SFI1: variants seen among roughly 807,000 people sequenced by gnomAD.
SFI1 encodes protein SFI1 homolog.
Under a neutral mutation model 207.5 loss-of-function variants are expected in SFI1, and 195 were observed. The observed-to-expected ratio is 0.94, with a 90% CI of 0.84 to 1.06. The LOEUF is 1.06. Among genes scored for constraint, SFI1 ranks in the 50% least tolerant of loss-of-function variants. The probability of loss-of-function intolerance (pLI) is 0.00; values close to 1 mark genes in which losing one functional copy is unlikely to be tolerated. For missense variants in SFI1, 1,634 were observed against 1,588.0 expected (o/e 1.03, Z -0.49); for synonymous variants, 630 against 598.9 (o/e 1.05, Z -0.76).
At position 31,561,375 on chromosome 22, in the gene SFI1, C is replaced by G. The variant is rs368196489; in HGVS notation, c.748C>G (p.Leu250Val). 5.0e-6 allele frequency: 8 copies of G among 1,613,694 alleles called. No individual in the cohort carries two copies. The highest frequency in any genetic ancestry group is 6.8e-6 in the Non-Finnish European group (8 of 1,179,916). Residue 250 changes from leucine to valine, a missense_variant, in exon 8 of 33, where the codon CTG (leucine) becomes GTG (valine). Transcript: ENST00000400288. ...TGCCTCTGCTTTGAAGCACAGGGCC[C>G]TGAGCCTCCAGGTGCAGGTGAGTCC... ...LHASALKHRALSLQVQAWSQW... is the reference protein window; with the variant it reads ...LHASALKHRAVSLQVQAWSQW...
chr22:31,560,375 C>T (rs557793700), intron 7 of SFI1, among the ~76,000 whole-genome samples: 40 of 150,054 alleles, frequency 2.7e-4, no homozygotes, highest in African/African-American at 8.8e-4. Flanking sequence ...GTGAAATCTC[C>T]TGATTTTCAA....
At chr22:31,550,686 C>G in intron 6 of SFI1, 1 of 256,144 alleles carries the variant, frequency 3.9e-6, no homozygotes, top group Middle Eastern at 1.4e-3. Flanking sequence ...TCAAGTTGCC[C>G]AGAGACTCTG....
intron 2 of SFI1, among the ~76,000 whole-genome samples, chr22:31,510,472 C>T (rs989123332): frequency 2.0e-5 from 3 of 152,024 alleles, no homozygotes; most frequent in African/African-American, 7.2e-5. Flanking sequence ...TCACTCTTGT[C>T]ACCCAGACTG....
At chr22:31,526,930 GT>G (rs2057982821) in intron 2 of SFI1, among the ~76,000 whole-genome samples, 1 of 150,330 alleles carries the variant, frequency 6.7e-6, no homozygotes, top group Admixed American at 6.6e-5. Context: ...GTCTTGTCCT[GT>G]CCTGTCGCCC....
At chr22:31,541,913 T>A (rs993952691) in intron 4 of SFI1, among the ~76,000 whole-genome samples, 1 of 151,178 alleles carries the variant, frequency 6.6e-6, no homozygotes, top group South Asian at 2.1e-4. Flanking sequence ...CCATCCTGGC[T>A]AACATGGTGA....
At chr22:31,496,829 A>T (rs750101571) in intron 1 of SFI1, among the ~76,000 whole-genome samples, 192 bp downstream of exon 1, 52 of 152,240 alleles carry the variant, frequency 3.4e-4, no homozygotes, top group Admixed American at 1.1e-3. Flanking sequence ...AAGTGCGACA[A>T]GAGGGCGCAG....
chr22:31,546,798 A>T, intron 4 of SFI1, 63 bp from the exon 5 acceptor site: 1 of 1,167,194 alleles, frequency 8.6e-7, no homozygotes, highest in Non-Finnish European at 1.2e-6. Flanking sequence ...AGAATATGTG[A>T]TTTGGGAAGA....
chr22:31,531,755 T>C (rs1219541144), intron 4 of SFI1, among the ~76,000 whole-genome samples: 2 of 152,164 alleles, frequency 1.3e-5, no homozygotes, highest in African/African-American at 4.8e-5. Flanking sequence ...TAGCCGGACG[T>C]GGTGGCGCAT....
rs200497828 is a variant in SFI1 at position 31,599,637 on chromosome 22, A to AT, written c.1545-2566dup. The stretch of plus-strand genomic sequence containing the variant: ...GAGCCACCGTGCCTAGCCCAGACTA[A>AT]TTTTTTTTTCTAATTTTTTGTAGAA... On this transcript the variant is annotated intron_variant, in intron 15 of 32. Coordinates refer to ENST00000400288, the MANE Select transcript of SFI1 (RefSeq NM_001007467.3). Among the ~76,000 whole-genome samples, 631 of 146,734 alleles carry AT rather than the reference A, an allele frequency of 4.3e-3. 4 individuals carry two copies. Among genetic ancestry groups the AT allele is most frequent in the African/African-American group, 0.015 (601 of 39,610 alleles).
At chr22:31,605,663 C>T (rs1415575911) in intron 20 of SFI1, 1 of 152,376 alleles carries the variant, frequency 6.6e-6, no homozygotes, top group African/African-American at 2.4e-5. Flanking sequence ...GCCTGGGCAA[C>T]ATAGCGAGAC....
rs547400563 is a variant in SFI1, at chr22:31,569,228, A to T, written c.766-3830A>T. Reference sequence around the variant, plus strand: ...ATCTAGGAAGCCATCACTAGGTGAGAGGATGGTGGGAAAATATAGGAGAAA... The same window carrying T: ...ATCTAGGAAGCCATCACTAGGTGAGTGGATGGTGGGAAAATATAGGAGAAA... On this transcript the variant is annotated intron_variant, in intron 8 of 32. Transcript: ENST00000400288. 8.5e-4 allele frequency among the ~76,000 whole-genome samples: 129 copies of T among 152,256 alleles called. 1 individual carries two copies. The highest frequency in any genetic ancestry group is 9.7e-4 in the Non-Finnish European group (66 of 68,016).
chr22:31,517,846 GA>G (rs1569194616), intron 2 of SFI1, among the ~76,000 whole-genome samples: 2 of 152,058 alleles, frequency 1.3e-5, no homozygotes, highest in African/African-American at 4.8e-5. Flanking sequence ...GTAGCCTTGC[GA>G]TAAGCCTGAT....
intron 4 of SFI1, among the ~76,000 whole-genome samples, chr22:31,537,993 C>T (rs941977375): frequency 1.3e-5 from 2 of 152,148 alleles, no homozygotes; most frequent in Non-Finnish European, 2.9e-5. Flanking sequence ...GTTTTTGAGA[C>T]CGAGTTTCAC....
intron 4 of SFI1, among the ~76,000 whole-genome samples, chr22:31,545,153 G>A (rs1402331911): frequency 3.9e-5 from 6 of 151,902 alleles, no homozygotes; most frequent in Non-Finnish European, 8.8e-5. Flanking sequence ...GATCACCTGA[G>A]GTCAGGAGTT....
chr22:31,568,420 TA>T (rs1184731949), intron 8 of SFI1, among the ~76,000 whole-genome samples: 2 of 147,638 alleles, frequency 1.4e-5, no homozygotes, highest in Non-Finnish European at 3.0e-5. Flanking sequence ...TAATCCCAGC[TA>T]CCTGGGAGGC....
chr22:31,587,530 C>T (rs1041987175), intron 14 of SFI1: 1 of 169,934 alleles, frequency 5.9e-6, no homozygotes, highest in African/African-American at 2.4e-5. Flanking sequence ...CCAGGCTGGT[C>T]TCAAACTCCC....
Position 31,554,690 on chromosome 22 carries a change from TCTGCCTC to T in SFI1, c.545-2248_545-2242del, listed in dbSNP as rs545280325. 2.4e-3 allele frequency among the ~76,000 whole-genome samples: 365 copies of T among 151,340 alleles called. 4 individuals carry two copies. In the Middle Eastern group the frequency reaches 0.034, roughly 14 times the overall value. On this transcript the variant is annotated intron_variant, in intron 6 of 32. Coordinates refer to ENST00000400288, the MANE Select transcript of SFI1 (RefSeq NM_001007467.3). ...GGCGTGATCTCGGCTCACTGCAGCCTCTGCCTCCTGGGTTCAAGCAATTATCTTGCCT... is the reference window on the plus strand; with the variant it reads ...GGCGTGATCTCGGCTCACTGCAGCCTCTGGGTTCAAGCAATTATCTTGCCT...
At chr22:31,598,559 ACAGAC>A (rs2067527370) in intron 15 of SFI1, among the ~76,000 whole-genome samples, 4 of 150,958 alleles carry the variant, frequency 2.6e-5, no homozygotes, top group South Asian at 4.2e-4. Flanking sequence ...AGCTGGGACT[ACAGAC>A]GCCTGCCACC....
intron 4 of SFI1, among the ~76,000 whole-genome samples, chr22:31,536,136 C>T (rs777468497): frequency 6.6e-6 from 1 of 152,094 alleles, no homozygotes; most frequent in African/African-American, 2.4e-5. Flanking sequence ...CCATATGAAG[C>T]CCTGTCCTAG....
Sources: gnomAD v4.1 joint callset for allele counts (sites outside exome capture counted in the v4.1 genomes callset) on GRCh38, gnomAD v4.1.1 for gene constraint, MANE v1.5 for transcripts, NCBI Gene and HGNC (gene_info 2026-07-23, HGNC 2026-07-21) for gene names.